REEP1: variants seen among roughly 807,000 people sequenced by gnomAD.
REEP1 encodes the protein receptor accessory protein 1.
A neutral mutation model predicts 40.3 loss-of-function variants in REEP1; 22 were observed. The observed-to-expected ratio is 0.55, with a 90% confidence interval of 0.39 to 0.78. The LOEUF (loss-of-function observed/expected upper bound fraction) is 0.78. Among genes scored for constraint, REEP1 ranks in the 30% least tolerant of loss-of-function variants. The pLI is 0.00. For synonymous variants in REEP1, 116 were observed against 139.2 expected (o/e 0.83, Z 1.17); for missense variants, 280 against 361.1 (o/e 0.78, Z 1.82).
At chr2:86,256,438 C>A (rs2104258187) in intron 3 of REEP1, among the ~76,000 whole-genome samples, 1 of 152,116 alleles carries the variant, frequency 6.6e-6, no homozygotes, top group Non-Finnish European at 1.5e-5. Context: ...GCCACTGCCT[C>A]TGATGGACTC....
At chr2:86,315,767 C>T (rs2104498816) in intron 1 of REEP1, among the ~76,000 whole-genome samples, 1 of 152,314 alleles carries the variant, frequency 6.6e-6, no homozygotes, top group African/African-American at 2.4e-5. Context: ...ATCCCAGTGC[C>T]ATGTGCTTGG....
intron 1 of REEP1, among the ~76,000 whole-genome samples, chr2:86,324,369 T>C (rs58287226): frequency 6.6e-6 from 1 of 152,066 alleles, no homozygotes; most frequent in Admixed American, 6.6e-5. Context: ...AGAACATGAA[T>C]GGCCAATAAA....
chr2:86,278,794 G>C (rs992053141), intron 2 of REEP1, among the ~76,000 whole-genome samples: 15 of 152,164 alleles, frequency 9.9e-5, no homozygotes, highest in Admixed American at 7.2e-4. Flanking sequence ...GTGTGAGCTG[G>C]GCCGTCAGCA....
At chr2:86,300,798 C>T (rs1371053380) in intron 1 of REEP1, among the ~76,000 whole-genome samples, 1 of 152,192 alleles carries the variant, frequency 6.6e-6, no homozygotes, top group African/African-American at 2.4e-5. Flanking sequence ...GACTCAGATA[C>T]AGCCCTCAAA....
At chr2:86,277,856 T>C (rs567016057) in intron 2 of REEP1, among the ~76,000 whole-genome samples, 53 of 152,232 alleles carry the variant, frequency 3.5e-4, no homozygotes, top group Non-Finnish European at 7.1e-4. Flanking sequence ...TGAGCTATTT[T>C]ACAACTTTAT....
intron 1 of REEP1, among the ~76,000 whole-genome samples, chr2:86,301,130 G>A (rs1679241476): frequency 6.6e-6 from 1 of 152,242 alleles, no homozygotes. Flanking sequence ...GAAGATGTGA[G>A]ACCAGAGAAG....
intron 1 of REEP1, among the ~76,000 whole-genome samples, chr2:86,290,410 T>C (rs933707284): frequency 6.6e-6 from 1 of 152,026 alleles, no homozygotes; most frequent in Non-Finnish European, 1.5e-5. Flanking sequence ...AAACCCACAC[T>C]AAAAAGAGTG....
intron 5 of REEP1, chr2:86,239,831 G>A (rs185425420): frequency 1.3e-5 from 2 of 152,380 alleles, no homozygotes; most frequent in East Asian, 3.9e-4. Context: ...AAGAGTCTCT[G>A]GAAAGACGAT....
chr2:86,238,096 G>A (rs368809963), intron 5 of REEP1, among the ~76,000 whole-genome samples: 5 of 152,258 alleles, frequency 3.3e-5, no homozygotes, highest in Admixed American at 1.3e-4. Context: ...CAGGAGAATC[G>A]CTTGAACCCG....
intron 1 of REEP1, among the ~76,000 whole-genome samples, chr2:86,300,803 C>T (rs1679226476): frequency 6.6e-6 from 1 of 152,194 alleles, no homozygotes; most frequent in African/African-American, 2.4e-5. Context: ...AGATACAGCC[C>T]TCAAAACCTC....
At chr2:86,276,256 C>A (rs1439607520) in intron 2 of REEP1, among the ~76,000 whole-genome samples, 1 of 152,234 alleles carries the variant, frequency 6.6e-6, no homozygotes, top group Non-Finnish European at 1.5e-5. Context: ...AAGGCACCAG[C>A]CAGCCTTCTG....
intron 1 of REEP1, among the ~76,000 whole-genome samples, chr2:86,320,801 A>G (rs190747016): frequency 5.9e-5 from 9 of 152,372 alleles, no homozygotes; most frequent in Non-Finnish European, 8.8e-5. Flanking sequence ...GCAGTGACAG[A>G]AAAATAAATC....
At chr2:86,337,955 C>G, upstream of REEP1, 1 of 1,408,872 alleles carries the variant, frequency 7.1e-7, no homozygotes, top group South Asian at 1.2e-5. The surrounding 1 kb of genome is among the most constrained non-coding windows in gnomAD (Gnocchi z 5.8). Flanking sequence ...GGGAATCTGT[C>G]TGCACCTGTC....
upstream of REEP1, chr2:86,337,646 C>A: frequency 1.9e-6 from 2 of 1,053,084 alleles, no homozygotes; most frequent in Non-Finnish European, 2.3e-6. The surrounding 1 kb of genome is among the most constrained non-coding windows in gnomAD (Gnocchi z 5.8). Flanking sequence ...CGCCGCCCTG[C>A]CCGGCGTTCG....
chr2:86,232,666 G>T lies in REEP1; in HGVS notation c.554C>A (p.Pro185His), dbSNP rs1468344485. ...CTCAGAAGCACTCCTGGACATCTTA[G>T]GCTGGCCGTGTTTGCCGCTGGCCCG... ...SGRASGKHGQ[P>H]KMSRSASESA... The change falls in exon 6 of 9, where the codon CCT becomes CAT. Residue 185 changes from proline (P) to histidine (H), a missense_variant. Physicochemically the swap from Pro to His is moderately conservative, Grantham distance 77 (BLOSUM62 -2). This residue lies in a region of REEP1 where 201 missense variants were observed against 238.5 expected (regional missense o/e 0.84). Coordinates refer to ENST00000538924, the MANE Select transcript of REEP1 (RefSeq NM_001371279.1). 2 of 1,612,826 alleles carry T rather than the reference G, an allele frequency of 1.2e-6. No individual in the cohort carries two copies. Among genetic ancestry groups the T allele is most frequent in the Non-Finnish European group, 8.5e-7 (1 of 1,179,996 alleles).
At chr2:86,313,936 G>A (rs1679874136) in intron 1 of REEP1, among the ~76,000 whole-genome samples, 1 of 152,206 alleles carries the variant, frequency 6.6e-6, no homozygotes, top group Non-Finnish European at 1.5e-5. Context: ...CTCTATTTAA[G>A]TAGATTCAAA....
intron 6 of REEP1, among the ~76,000 whole-genome samples, chr2:86,228,136 T>C (rs1337316634): frequency 2.0e-5 from 3 of 152,212 alleles, no homozygotes; most frequent in Non-Finnish European, 4.4e-5. Flanking sequence ...TCCTGGGTGC[T>C]GAAAGCAACA....
At chr2:86,333,881 C>A (rs2104550580) in intron 1 of REEP1, among the ~76,000 whole-genome samples, 1 of 152,352 alleles carries the variant, frequency 6.6e-6, no homozygotes, top group South Asian at 2.1e-4. Flanking sequence ...TAATTCTTTA[C>A]AGGCTGAGCC....
chr2:86,261,553 A>G (rs1205218267), intron 3 of REEP1, among the ~76,000 whole-genome samples: 2 of 152,204 alleles, frequency 1.3e-5, no homozygotes, highest in African/African-American at 4.8e-5. Flanking sequence ...AAGAGTCATC[A>G]CCACTCCCTA....
Sources: allele counts gnomAD v4.1 joint callset (sites outside exome capture counted in the v4.1 genomes callset), GRCh38; gene constraint gnomAD v4.1.1; regional missense constraint gnomAD v4.1.1; non-coding constraint Gnocchi (gnomAD v3.1); transcripts MANE v1.5; gene names NCBI Gene and HGNC (gene_info 2026-07-23, HGNC 2026-07-21).